Variants in SLC9B1 observed in about 807,000 individuals in gnomAD.
SLC9B1 encodes the protein solute carrier family 9 member B1, also known as sodium/hydrogen exchanger 9B1.
In SLC9B1, 32 loss-of-function variants were observed where a neutral mutation model predicts 51.7. The observed-to-expected ratio is 0.62, with a 90% CI of 0.47 to 0.83. The LOEUF (loss-of-function observed/expected upper bound fraction) is 0.83. Among genes scored for constraint, SLC9B1 ranks in the 40% least tolerant of loss-of-function variants. The probability of loss-of-function intolerance (pLI) is 0.00; values close to 1 mark genes in which losing one functional copy is unlikely to be tolerated. For missense variants in SLC9B1, 406 were observed against 613.2 expected (o/e 0.66, Z 3.57); for synonymous variants, 145 against 212.7 (o/e 0.68, Z 2.77).
downstream of SLC9B1, among the ~76,000 whole-genome samples, chr4:102,899,868 T>C (rs1249193556): frequency 6.6e-6 from 1 of 152,142 alleles, no homozygotes; most frequent in Non-Finnish European, 1.5e-5. Flanking sequence ...AAGGAGAAAA[T>C]GTCACTAAAA....
chr4:102,999,583 G>A (rs1016586078), intron 1 of SLC9B1, among the ~76,000 whole-genome samples: 1 of 152,156 alleles, frequency 6.6e-6, no homozygotes, highest in Admixed American at 6.5e-5. Flanking sequence ...TTGACATTGT[G>A]TACAAATTGT....
At position 102,905,626 on chromosome 4, in the gene SLC9B1, A is replaced by G. The variant is rs1263712334; in HGVS notation, c.1220T>C (p.Leu407Ser). ...IVGISVATLS[L>S]ALCVRILTTY... is the part of the protein sequence containing the mutation. ...GGTTAAAATTCGAACACATAATGCCAAACTTAGAGTGGCAACAGATATGCC... is the reference window on the plus strand; with the variant it reads ...GGTTAAAATTCGAACACATAATGCCGAACTTAGAGTGGCAACAGATATGCC... The change falls in exon 11 of 12, where the codon TTG (leucine) becomes TCG (serine). Residue 407 changes from leucine (L) to serine (S), a missense_variant. Around this residue, in one of 6 missense-constraint regions of SLC9B1, gnomAD observed 250 missense variants for 394.1 expected, o/e 0.63. Coordinates refer to ENST00000296422, the MANE Select transcript of SLC9B1 (RefSeq NM_139173.4). The G allele has an allele frequency of 1.2e-6, 2 of 1,611,310 alleles. No individual in the cohort carries two copies. The highest frequency in any genetic ancestry group is 3.3e-5 in the Admixed American group (2 of 59,930).
At chr4:102,898,188 A>G (rs1383227320), downstream of SLC9B1, 2 of 519,642 alleles carry the variant, frequency 3.8e-6, no homozygotes, top group East Asian at 1.1e-4. Context: ...CCACCAAGCT[A>G]AAGAGGCTGC....
chr4:102,929,457 A>AGCTAATGTTGTT (rs1190096889), intron 7 of SLC9B1, among the ~76,000 whole-genome samples: 4 of 152,258 alleles, frequency 2.6e-5, no homozygotes, highest in Non-Finnish European at 4.4e-5. Flanking sequence ...ATTCAATAAA[A>AGCTAATGTTGTT]GCTAATGTTG....
intron 6 of SLC9B1, among the ~76,000 whole-genome samples, chr4:102,943,166 T>A (rs116324342): frequency 0.064 from 9,241 of 143,920 alleles, 685 homozygotes; most frequent in African/African-American, 0.18. Flanking sequence ...ATCAAAAAAA[T>A]AAAAAAAAAA....
At chr4:102,922,082 C>A (rs7687707) in intron 7 of SLC9B1, among the ~76,000 whole-genome samples, 1 of 151,970 alleles carries the variant, frequency 6.6e-6, no homozygotes, top group African/African-American at 2.4e-5. Flanking sequence ...CTACAGAACT[C>A]TCCACCCCAA....
intron 3 of SLC9B1, among the ~76,000 whole-genome samples, chr4:102,955,139 C>A (rs975087272): frequency 6.6e-6 from 1 of 152,116 alleles, no homozygotes; most frequent in African/African-American, 2.4e-5. Context: ...ACAATTCCCA[C>A]GTGTTGTGGG....
intron 7 of SLC9B1, among the ~76,000 whole-genome samples, chr4:102,913,366 C>T (rs756221552): frequency 3.3e-5 from 5 of 152,140 alleles, no homozygotes; most frequent in Non-Finnish European, 7.3e-5. Context: ...GAAAAAGAAA[C>T]TGGCAAACCT....
chr4:103,002,218 C>A (rs567693173), intron 1 of SLC9B1, among the ~76,000 whole-genome samples: 1 of 152,306 alleles, frequency 6.6e-6, no homozygotes, highest in Non-Finnish European at 1.5e-5. Context: ...GCATACCTTA[C>A]CATTTCCTAA....
intron 6 of SLC9B1, among the ~76,000 whole-genome samples, chr4:102,937,529 A>G (rs1237683795): frequency 1.3e-5 from 2 of 150,152 alleles, no homozygotes; most frequent in Non-Finnish European, 3.0e-5. Context: ...GATCAAGACC[A>G]TCCTGGCCAA....
At chr4:102,994,346 A>G (rs959074937) in intron 1 of SLC9B1, among the ~76,000 whole-genome samples, 4 of 152,098 alleles carry the variant, frequency 2.6e-5, no homozygotes, top group Non-Finnish European at 5.9e-5. Context: ...AGCAAGAGTG[A>G]CCTTTACTCC....
chr4:102,922,937 G>A (rs1226372209), intron 7 of SLC9B1, among the ~76,000 whole-genome samples: 1 of 151,910 alleles, frequency 6.6e-6, no homozygotes, highest in Admixed American at 6.6e-5. Context: ...CAAAAAAAAA[G>A]TCCAGGACCA....
intron 3 of SLC9B1, chr4:102,963,188 TG>T: frequency 2.8e-6 from 1 of 355,256 alleles, no homozygotes; most frequent in South Asian, 2.2e-5. Context: ...ATCCATCACA[TG>T]CACCACAATG....
intron 5 of SLC9B1, among the ~76,000 whole-genome samples, chr4:102,945,653 T>C (rs978730768): frequency 1.3e-5 from 2 of 152,146 alleles, no homozygotes; most frequent in Non-Finnish European, 2.9e-5. Flanking sequence ...TCCCATTAAC[T>C]TTTTGATATG....
At chr4:102,962,853 G>T (rs1738210860) in intron 3 of SLC9B1, 24 of 472,362 alleles carry the variant, frequency 5.1e-5, no homozygotes, top group South Asian at 2.0e-4. Flanking sequence ...CAATACACAG[G>T]TATCAATGTG....
chr4:102,898,298 A>G (rs1217595488), downstream of SLC9B1: 2 of 453,900 alleles, frequency 4.4e-6, no homozygotes, highest in East Asian at 5.7e-5. Context: ...AAATCTCAAT[A>G]TCAAAAACCT....
intron 1 of SLC9B1, among the ~76,000 whole-genome samples, chr4:103,002,201 A>G (rs1012186798): frequency 6.6e-6 from 1 of 152,222 alleles, no homozygotes; most frequent in African/African-American, 2.4e-5. Flanking sequence ...GGCCCAAACC[A>G]TATCAGGCAT....
At chr4:102,962,629 A>G (rs995030809) in intron 3 of SLC9B1, 1 of 473,082 alleles carries the variant, frequency 2.1e-6, no homozygotes, top group East Asian at 6.9e-5. Flanking sequence ...CAGTTGTAGA[A>G]GGTTATGTAA....
chr4:102,989,865 T>C lies in SLC9B1; in HGVS notation c.146A>G (p.Gln49Arg), dbSNP rs1187069585. The change falls in exon 3 of 12, where the codon CAG becomes CGG. Residue 49 changes from glutamine to arginine, a missense_variant. Gln to Arg is a conservative substitution (Grantham distance 43, BLOSUM62 1). This residue lies in a region of SLC9B1 where 108 missense variants were observed against 94.5 expected (regional missense o/e 1.14). Coordinates refer to ENST00000296422, the MANE Select transcript of SLC9B1 (RefSeq NM_139173.4). ...AGAAATGTATGTCTCCTTTTTTGTC[T>C]GTGGTTTTATTTCTTCTGTATCTGA... The part of the protein sequence containing the change: ...VLSDTEEIKP[Q>R]TKKETYISCP... 10 of 1,603,148 alleles carry C rather than the reference T, an allele frequency of 6.2e-6. No homozygotes were observed. The highest frequency in any genetic ancestry group is 7.7e-6 in the Non-Finnish European group (9 of 1,172,248).
Sources: allele counts gnomAD v4.1 joint callset (sites outside exome capture counted in the v4.1 genomes callset), GRCh38; gene constraint gnomAD v4.1.1; regional missense constraint gnomAD v4.1.1; transcripts MANE v1.5; gene names NCBI Gene and HGNC (gene_info 2026-07-23, HGNC 2026-07-21).